MARK1: variants seen among roughly 807,000 people sequenced by gnomAD.
MARK1 encodes microtubule affinity regulating kinase 1.
A neutral mutation model predicts 96.3 loss-of-function variants in MARK1; 40 were observed. The observed-to-expected ratio is 0.42, with a 90% CI of 0.32 to 0.54. The LOEUF is 0.54. MARK1 is among the 20% of genes least tolerant of loss of function. The pLI is 0.16. For missense variants in MARK1, 719 were observed against 984.6 expected (o/e 0.73, Z 3.61); for synonymous variants, 317 against 341.2 (o/e 0.93, Z 0.78).
At chr1:220,566,289 G>C (rs1266373322) in intron 1 of MARK1, among the ~76,000 whole-genome samples, 1 of 152,096 alleles carries the variant, frequency 6.6e-6, no homozygotes, top group African/African-American at 2.4e-5. Flanking sequence ...GGACAAAATG[G>C]AAGAGAAGTG....
intron 1 of MARK1, among the ~76,000 whole-genome samples, chr1:220,569,539 T>C (rs532640789): frequency 6.6e-6 from 1 of 152,252 alleles, no homozygotes; most frequent in East Asian, 1.9e-4. Context: ...TCTGTTTCTT[T>C]TTACATTTAT....
intron 3 of MARK1, among the ~76,000 whole-genome samples, chr1:220,587,909 G>A (rs542813276): frequency 6.6e-6 from 1 of 152,130 alleles, no homozygotes; most frequent in Non-Finnish European, 1.5e-5. Flanking sequence ...CTCTCTTCAA[G>A]TAGAATTGCT....
At chr1:220,626,783 G>A (rs549301184) in intron 9 of MARK1, 3 of 339,538 alleles carry the variant, frequency 8.8e-6, no homozygotes, top group Admixed American at 7.7e-5. Context: ...TTGCACCAGG[G>A]CACTCCAGCC....
chr1:220,651,235 A>G (rs1031002779), intron 14 of MARK1, among the ~76,000 whole-genome samples: 3 of 152,192 alleles, frequency 2.0e-5, no homozygotes, highest in Non-Finnish European at 4.4e-5. Flanking sequence ...TCTTTCTATC[A>G]TGAGTCACAA....
intron 1 of MARK1, among the ~76,000 whole-genome samples, chr1:220,550,278 G>A (rs1196502899): frequency 6.6e-6 from 1 of 152,126 alleles, no homozygotes; most frequent in Non-Finnish European, 1.5e-5. Flanking sequence ...TGTCTTTTCT[G>A]AATCATAATG....
intron 3 of MARK1, among the ~76,000 whole-genome samples, chr1:220,588,682 T>C (rs1031729481): frequency 9.2e-5 from 14 of 152,202 alleles, no homozygotes; most frequent in African/African-American, 3.4e-4. Context: ...TCCTAGAATT[T>C]AAAAAGCTGA....
intron 13 of MARK1, among the ~76,000 whole-genome samples, chr1:220,644,288 C>CT (rs1668452992): frequency 6.6e-6 from 1 of 152,072 alleles, no homozygotes; most frequent in Non-Finnish European, 1.5e-5. Flanking sequence ...ACAAAATAGA[C>CT]TTTAAACCAA....
chr1:220,597,379 T>A (rs143713521), intron 3 of MARK1, among the ~76,000 whole-genome samples: 5 of 152,266 alleles, frequency 3.3e-5, no homozygotes, highest in African/African-American at 9.6e-5. Context: ...CCGCCAACAT[T>A]TGCTATTTTC....
At chr1:220,557,383 A>G (rs1662345796) in intron 1 of MARK1, among the ~76,000 whole-genome samples, 1 of 152,074 alleles carries the variant, frequency 6.6e-6, no homozygotes, top group Non-Finnish European at 1.5e-5. Flanking sequence ...GAGACCAAAC[A>G]TGGTGAAACC....
At chr1:220,635,717 C>A in intron 12 of MARK1, 116 bp from the exon 13 acceptor site, 2 of 1,135,922 alleles carry the variant, frequency 1.8e-6, no homozygotes, top group Non-Finnish European at 2.5e-6. Flanking sequence ...ATTTAATCTT[C>A]GTTCAGAGTT....
At chr1:220,610,494 A>G (rs962518004) in intron 6 of MARK1, among the ~76,000 whole-genome samples, 1 of 152,116 alleles carries the variant, frequency 6.6e-6, no homozygotes, top group Non-Finnish European at 1.5e-5. Context: ...ATGGGTTCAA[A>G]CATCCTCCTT....
intron 9 of MARK1, chr1:220,626,307 C>A: frequency 3.7e-6 from 2 of 544,102 alleles, no homozygotes; most frequent in South Asian, 1.4e-5. Context: ...ATACCACAGA[C>A]TGGGTCATGA....
chr1:220,602,148 G>A (rs1438156569), intron 5 of MARK1, among the ~76,000 whole-genome samples: 1 of 152,162 alleles, frequency 6.6e-6, no homozygotes, highest in African/African-American at 2.4e-5. Flanking sequence ...TAAGAATTAA[G>A]TCAGACAACT....
At chr1:220,639,163 G>A (rs1368540854) in intron 13 of MARK1, among the ~76,000 whole-genome samples, 1 of 152,066 alleles carries the variant, frequency 6.6e-6, no homozygotes, top group Non-Finnish European at 1.5e-5. Flanking sequence ...GGCTGAGGAG[G>A]GAGGATGACT....
At chr1:220,630,988 G>A (rs1219246249) in intron 9 of MARK1, 47 bp from the exon 10 acceptor site, 2 of 1,285,692 alleles carry the variant, frequency 1.6e-6, no homozygotes, top group Middle Eastern at 1.9e-4. Flanking sequence ...ATAATAAGTG[G>A]CTGAATGTTC....
At chr1:220,595,795 G>A (rs1336353008) in intron 3 of MARK1, among the ~76,000 whole-genome samples, 1 of 152,192 alleles carries the variant, frequency 6.6e-6, no homozygotes, top group Non-Finnish European at 1.5e-5. Context: ...ACCAAGACCA[G>A]TGAGATTCAG....
intron 1 of MARK1, among the ~76,000 whole-genome samples, chr1:220,567,672 T>C (rs1161691653): frequency 6.6e-6 from 1 of 152,198 alleles, no homozygotes. Flanking sequence ...CAGTAGGTTC[T>C]GGTATTGAGA....
chr1:220,651,400 G>A (rs983197668), intron 14 of MARK1, among the ~76,000 whole-genome samples: 1 of 152,042 alleles, frequency 6.6e-6, no homozygotes, highest in Non-Finnish European at 1.5e-5. Context: ...CTATTGTAAG[G>A]CATACAAAGA....
intron 1 of MARK1, among the ~76,000 whole-genome samples, chr1:220,562,229 CTGAGGCAGGTGGATCACT>C (rs1346894831): frequency 6.6e-6 from 1 of 152,088 alleles, no homozygotes; most frequent in Non-Finnish European, 1.5e-5. Flanking sequence ...CTTTGGGAGG[CTGAGGCAGGTGGATCACT>C]TGAGGCCAGG....
Sources: allele counts gnomAD v4.1 joint callset (sites outside exome capture counted in the v4.1 genomes callset), GRCh38; gene constraint gnomAD v4.1.1; transcripts MANE v1.5; gene names NCBI Gene and HGNC (gene_info 2026-07-23, HGNC 2026-07-21).